ETV1: variants seen among roughly 807,000 people sequenced by gnomAD.
The protein encoded by ETV1 is ETS variant transcription factor 1, also known as ETS translocation variant 1.
In ETV1, 27 loss-of-function variants were observed where a neutral mutation model predicts 62.3. The ratio of observed to expected loss-of-function variants is 0.43; its 90% CI spans 0.32 to 0.60. The LOEUF (loss-of-function observed/expected upper bound fraction) is 0.60. Among genes scored for constraint, ETV1 ranks in the 20% least tolerant of loss-of-function variants. The pLI is 0.06. For missense variants in ETV1, 605 were observed against 605.8 expected, an observed-to-expected ratio of 1.00 and a Z score of 0.01; for synonymous variants, 222 against 199.6, an observed-to-expected ratio of 1.11 and a Z score of -0.94.
rs1373896273 is a variant in ETV1 at position 13,894,076 on chromosome 7, G to C, written c.*1790C>G. ...AGTTTTGGAAAATGGGTAGCTGGGG[G>C]GATCATCTTTAAACAATCTTTTTCA... On this transcript the variant is annotated 3_prime_UTR_variant, in exon 14 of 14. Coordinates refer to ENST00000430479, the MANE Select transcript of ETV1 (RefSeq NM_004956.5). 4.3e-6 allele frequency: 1 copy of C among 232,652 alleles called. No homozygotes were observed. Among genetic ancestry groups the C allele is most frequent in the Admixed American group, 5.6e-5 (1 of 17,734 alleles). The allele number at this position is 232,652 out of a possible 1,614,324, so 14.4% of individuals were successfully genotyped here.
rs1418917759 is a variant in ETV1 at position 13,892,718 on chromosome 7, A to G, written c.*3148T>C. ...AATCACAAGCATCCTTATAAGAGGC[A>G]GGAAGGAAATTTGACTATAGTAGAA... On this transcript the variant is annotated 3_prime_UTR_variant, in exon 14 of 14. Coordinates refer to ENST00000430479, the MANE Select transcript of ETV1 (RefSeq NM_004956.5). 2 of 232,034 alleles carry G rather than the reference A, an allele frequency of 8.6e-6. No individual in the cohort carries two copies. Among genetic ancestry groups the G allele is most frequent in the African/African-American group, 4.4e-5 (2 of 45,276 alleles). The allele number at this position is 232,034 out of a possible 1,614,324, so 14.4% of individuals were successfully genotyped here.
rs76189242 is a variant in ETV1 at position 13,955,944 on chromosome 7, A to G, written c.236-16698T>C. On this transcript the variant is annotated intron_variant, in intron 6 of 13. Transcript: ENST00000430479. ...CAGTATTTCATAAGGAGTTTAAGAG[A>G]TTACTCTTGTCCACCTGCACAGTCT... 1.2e-3 allele frequency among the ~76,000 whole-genome samples: 188 copies of G among 152,270 alleles called. 1 individual carries two copies. The East Asian group carries it at 0.033, about 27-fold the overall frequency.
At chr7:13,964,336 G>T (rs1790528050) in intron 6 of ETV1, among the ~76,000 whole-genome samples, 1 of 152,094 alleles carries the variant, frequency 6.6e-6, no homozygotes, top group African/African-American at 2.4e-5. Context: ...GATAGTATTT[G>T]ACAACAACTT....
At chr7:13,941,654 T>C (rs1265073377) in intron 6 of ETV1, among the ~76,000 whole-genome samples, 1 of 152,042 alleles carries the variant, frequency 6.6e-6, no homozygotes, top group Non-Finnish European at 1.5e-5. Flanking sequence ...GGAGATCACT[T>C]GAGTCCAAGA....
In ETV1 at chr7:13,903,058, A is replaced by G. The variant is rs558698689; in HGVS notation, c.1111-2219T>C. On this transcript the variant is annotated intron_variant, in intron 12 of 13. Coordinates refer to ENST00000430479, the MANE Select transcript of ETV1 (RefSeq NM_004956.5). ...AGGCCAGGTAGGCCAACCACCAACTAAGAAAGTTCATTCAGCCTTCACATA... is the reference window on the plus strand; with the variant it reads ...AGGCCAGGTAGGCCAACCACCAACTGAGAAAGTTCATTCAGCCTTCACATA... Among the ~76,000 whole-genome samples, 7 of 152,286 alleles carry G rather than the reference A, an allele frequency of 4.6e-5. No homozygotes were observed. In the East Asian group the frequency reaches 1.2e-3, roughly 25 times the overall value.
intron 9 of ETV1, among the ~76,000 whole-genome samples, chr7:13,918,893 G>A: frequency 9.4e-6 from 1 of 106,146 alleles, no homozygotes; most frequent in South Asian, 3.2e-4. Context: ...AAAAAAAGAA[G>A]TTCAGCAAGA....
At chr7:13,940,986 G>C (rs1041278259) in intron 6 of ETV1, among the ~76,000 whole-genome samples, 33 of 151,914 alleles carry the variant, frequency 2.2e-4, no homozygotes, top group Admixed American at 1.2e-3. Context: ...AATTACCCTT[G>C]GTACACTATT....
intron 5 of ETV1, among the ~76,000 whole-genome samples, chr7:13,982,869 G>A (rs973226092): frequency 6.6e-6 from 1 of 151,882 alleles, no homozygotes; most frequent in Admixed American, 6.6e-5. Flanking sequence ...TATGACTACT[G>A]TATATTGTGG....
At chr7:13,966,290 GGGAAT>G (rs1041877335) in intron 6 of ETV1, among the ~76,000 whole-genome samples, 5 of 152,106 alleles carry the variant, frequency 3.3e-5, no homozygotes, top group Admixed American at 1.3e-4. Context: ...TCATCCACTA[GGGAAT>G]CCAGTGGCCT....
chr7:13,898,231 G>C (rs1381782537), intron 13 of ETV1, among the ~76,000 whole-genome samples: 1 of 152,094 alleles, frequency 6.6e-6, no homozygotes, highest in East Asian at 1.9e-4. Context: ...ATGCAACACT[G>C]AGACAGACAG....
In ETV1 at chr7:13,988,234, A is replaced by ACG. The variant is rs1405159624; in HGVS notation, c.46-63_46-62dup. ...TAAACCTCAGATCACACACACGCAC[A>ACG]CGCGCGCGCACACACACACACACAG... On this transcript the variant is annotated intron_variant, in intron 3 of 13. Coordinates refer to ENST00000430479, the MANE Select transcript of ETV1 (RefSeq NM_004956.5). 66 of 872,966 alleles carry ACG rather than the reference A, an allele frequency of 7.6e-5. 1 individual carries two copies. The highest frequency in any genetic ancestry group is 4.6e-4 in the East Asian group (18 of 39,276). 54.1% of individuals were successfully genotyped at this position (872,966 alleles called of 1,614,324 possible). A position where few individuals can be genotyped will look rare whatever the true frequency, so the allele number is the denominator to read the frequency against.
chr7:13,923,098 T>C (rs746575927), intron 9 of ETV1, among the ~76,000 whole-genome samples: 1 of 152,224 alleles, frequency 6.6e-6, no homozygotes, highest in Non-Finnish European at 1.5e-5. Context: ...TCTTAAGTTT[T>C]GTGCAAGTTT....
chr7:13,931,957 T>C (rs902991560), intron 8 of ETV1, among the ~76,000 whole-genome samples: 1 of 152,032 alleles, frequency 6.6e-6, no homozygotes, highest in Admixed American at 6.6e-5. Flanking sequence ...TAATCAGTCT[T>C]TTGCAGCACT....
chr7:13,945,691 C>A (rs1326775559), intron 6 of ETV1, among the ~76,000 whole-genome samples: 1 of 151,894 alleles, frequency 6.6e-6, no homozygotes, highest in Non-Finnish European at 1.5e-5. Context: ...GTAGAGACTC[C>A]CATTAGAGAG....
rs1017795652 is a variant in ETV1, at chr7:13,899,398, T to A, written c.1212+1340A>T. 2.0e-5 allele frequency among the ~76,000 whole-genome samples: 3 copies of A among 152,172 alleles called. No individual in the cohort carries two copies. In the East Asian group the frequency reaches 5.8e-4, roughly 29 times the overall value. On this transcript the variant is annotated intron_variant, in intron 13 of 13. Transcript: ENST00000430479. ...CGAAGTCAGCCTTTTCTTTTAAGGA[T>A]CATGGAAGTTCTAACGTCTGAGCCA...
rs568170108 is a variant in ETV1, at chr7:13,935,567, C to A, written c.554+141G>T. 7.8e-5 allele frequency: 49 copies of A among 627,688 alleles called. No individual in the cohort carries two copies. The African/African-American group carries it at 7.9e-4, about 10-fold the overall frequency. The allele number at this position is 627,688 out of a possible 1,614,324, so 38.9% of individuals were successfully genotyped here. A position where few individuals can be genotyped will look rare whatever the true frequency, so the allele number is the denominator to read the frequency against. ...AAATTATAAGTATAGATAGAGTGAG[C>A]TCTTTCTAAAAATATTTTGCACAGA... On this transcript the variant is annotated intron_variant, in intron 8 of 13. Coordinates refer to ENST00000430479, the MANE Select transcript of ETV1 (RefSeq NM_004956.5).
At chr7:13,955,123 T>A (rs539470908) in intron 6 of ETV1, among the ~76,000 whole-genome samples, 1 of 152,234 alleles carries the variant, frequency 6.6e-6, no homozygotes, top group South Asian at 2.1e-4. Flanking sequence ...AACCAACTAC[T>A]AATTTGGCAC....
At chr7:13,920,064 G>T (rs1053706367) in intron 9 of ETV1, among the ~76,000 whole-genome samples, 18 of 151,944 alleles carry the variant, frequency 1.2e-4, no homozygotes, top group African/African-American at 2.2e-4. Flanking sequence ...GAAACTAAAA[G>T]TCCCACCCTA....
intron 6 of ETV1, among the ~76,000 whole-genome samples, chr7:13,942,244 C>G (rs969828996): frequency 7.2e-5 from 11 of 151,950 alleles, no homozygotes; most frequent in African/African-American, 1.2e-4. Context: ...AGGATGGTCT[C>G]GATCTCCTGA....
Sources: gnomAD v4.1 joint callset for allele counts (sites outside exome capture counted in the v4.1 genomes callset) on GRCh38, gnomAD v4.1.1 for gene constraint, MANE v1.5 for transcripts, NCBI Gene and HGNC (gene_info 2026-07-23, HGNC 2026-07-21) for gene names.